PTPRD: variants seen among roughly 807,000 people sequenced by gnomAD.
PTPRD encodes the protein receptor-type tyrosine-protein phosphatase delta.
In PTPRD, 34 loss-of-function variants were observed where a neutral mutation model predicts 214.5. The observed-to-expected ratio is 0.16, with a 90% confidence interval of 0.12 to 0.21. The LOEUF is 0.21. Among genes scored for constraint, PTPRD ranks in the 10% least tolerant of loss-of-function variants. The pLI, the probability that PTPRD is intolerant of heterozygous loss-of-function variation, is 1.00. For synonymous variants in PTPRD, 1,128 were observed against 845.7 expected (o/e 1.33, Z -5.79); for missense variants, 2,545 against 2,398.7 (o/e 1.06, Z -1.27).
intron 10 of PTPRD, among the ~76,000 whole-genome samples, chr9:9,072,124 C>T (rs936906500): frequency 6.6e-6 from 1 of 151,962 alleles, no homozygotes; most frequent in African/African-American, 2.4e-5. Context: ...CATAGTGTTA[C>T]CAAACTTTAA....
At chr9:9,246,640 T>C (rs1460176779) in intron 9 of PTPRD, among the ~76,000 whole-genome samples, 1 of 152,028 alleles carries the variant, frequency 6.6e-6, no homozygotes, top group Non-Finnish European at 1.5e-5. Context: ...TCTTATTAAG[T>C]ATGTAACTGC....
At chr9:10,081,638 A>C (rs74729642) in intron 3 of PTPRD, among the ~76,000 whole-genome samples, 1 of 152,192 alleles carries the variant, frequency 6.6e-6, no homozygotes, top group African/African-American at 2.4e-5. Context: ...ATAAGAAAGA[A>C]ATTTCTGTTG....
At chr9:9,702,716 G>A (rs2097528088) in intron 7 of PTPRD, among the ~76,000 whole-genome samples, 1 of 152,154 alleles carries the variant, frequency 6.6e-6, no homozygotes, top group Non-Finnish European at 1.5e-5. Flanking sequence ...AGAAATGGTA[G>A]TAACTAATTA....
intron 8 of PTPRD, chr9:9,442,434 C>G (rs2088435661): frequency 6.6e-6 from 1 of 152,188 alleles, no homozygotes; most frequent in Non-Finnish European, 1.5e-5. Flanking sequence ...GTCTGGGCCT[C>G]TGAGATATTC....
chr9:10,010,993 T>C (rs537876765), intron 4 of PTPRD, among the ~76,000 whole-genome samples: 6 of 152,004 alleles, frequency 3.9e-5, no homozygotes, highest in African/African-American at 7.2e-5. Context: ...GTATTTCATC[T>C]GGTTAGGACA....
At chr9:10,391,053 T>C (rs2098052099) in intron 2 of PTPRD, among the ~76,000 whole-genome samples, 1 of 151,828 alleles carries the variant, frequency 6.6e-6, no homozygotes, top group Non-Finnish European at 1.5e-5. Flanking sequence ...ACTAAGAGGC[T>C]GTTAGAAAGA....
chr9:9,261,039 G>A (rs1342996101), intron 9 of PTPRD, among the ~76,000 whole-genome samples: 1 of 151,804 alleles, frequency 6.6e-6, no homozygotes, highest in African/African-American at 2.4e-5. Flanking sequence ...AAAAGCAAGA[G>A]AGTTGATTAA....
intron 4 of PTPRD, among the ~76,000 whole-genome samples, chr9:9,951,931 G>T (rs2093489392): frequency 6.6e-6 from 1 of 152,158 alleles, no homozygotes; most frequent in South Asian, 2.1e-4. Context: ...TGAGTACTTG[G>T]GTAAGAACAC....
intron 22 of PTPRD, among the ~76,000 whole-genome samples, chr9:8,505,958 C>T (rs1171671242): frequency 1.3e-5 from 2 of 152,130 alleles, no homozygotes; most frequent in African/African-American, 4.8e-5. Flanking sequence ...TCAAGTTGTA[C>T]CATGAAAACT....
intron 11 of PTPRD, among the ~76,000 whole-genome samples, chr9:8,778,218 G>C (rs892108707): frequency 6.6e-6 from 1 of 152,192 alleles, no homozygotes; most frequent in African/African-American, 2.4e-5. Context: ...AATTTAAACT[G>C]ATTGGCAAAT....
At chr9:9,708,126 A>T (rs543368568) in intron 7 of PTPRD, among the ~76,000 whole-genome samples, 20 of 152,236 alleles carry the variant, frequency 1.3e-4, no homozygotes, top group African/African-American at 4.6e-4. Context: ...ACGTTGATTT[A>T]GTTCTATAGT....
intron 35 of PTPRD, among the ~76,000 whole-genome samples, chr9:8,433,114 A>T (rs894829287): frequency 1.3e-5 from 2 of 152,230 alleles, no homozygotes; most frequent in Admixed American, 6.5e-5. Context: ...ATGACATTTC[A>T]GTCCACAACA....
Position 9,261,870 on chromosome 9 carries a change from A to T in PTPRD, c.-202-78507T>A, listed in dbSNP as rs2099980281. The stretch of plus-strand genomic sequence containing the variant: ...GAAAGAATAAACTTTGTAAAAAGGT[A>T]AATATCACCACTTATTTAATTATCA... On this transcript the variant is annotated intron_variant, in intron 9 of 45. Transcript: ENST00000381196. Among the ~76,000 whole-genome samples the T allele has an allele frequency of 5.3e-5, 8 of 151,792 alleles. No individual in the cohort carries two copies. The South Asian group carries it at 1.7e-3, about 31-fold the overall frequency.
chr9:8,332,379 G>C (rs1018006646), intron 43 of PTPRD, among the ~76,000 whole-genome samples: 1 of 152,238 alleles, frequency 6.6e-6, no homozygotes, highest in African/African-American at 2.4e-5. Context: ...AGGGGACATA[G>C]CATGAACCAT....
intron 34 of PTPRD, among the ~76,000 whole-genome samples, chr9:8,445,577 G>A (rs2095692563): frequency 6.6e-6 from 1 of 152,040 alleles, no homozygotes; most frequent in African/African-American, 2.4e-5. Flanking sequence ...CTTACCATGT[G>A]AACACATCAC....
At chr9:9,269,276 C>T (rs542050419) in intron 9 of PTPRD, among the ~76,000 whole-genome samples, 2 of 151,362 alleles carry the variant, frequency 1.3e-5, no homozygotes, top group African/African-American at 4.8e-5. Flanking sequence ...CATCAATCAT[C>T]GGAAACACGC....
chr9:8,390,480 C>A (rs57109451), intron 36 of PTPRD, among the ~76,000 whole-genome samples: 3,922 of 152,214 alleles, frequency 0.026, 161 homozygotes, highest in African/African-American at 0.089. Flanking sequence ...CCTGAGACAT[C>A]AGAACTCCCT....
intron 11 of PTPRD, among the ~76,000 whole-genome samples, chr9:8,771,738 T>A (rs144424805): frequency 4.6e-5 from 7 of 152,066 alleles, no homozygotes; most frequent in African/African-American, 1.7e-4. Context: ...CATGCACGTA[T>A]ACATATGTTC....
At chr9:9,757,823 T>G (rs1411074025) in intron 6 of PTPRD, among the ~76,000 whole-genome samples, 2 of 152,124 alleles carry the variant, frequency 1.3e-5, no homozygotes, top group Non-Finnish European at 2.9e-5. Context: ...ACCATCTTAC[T>G]CATCATAACT....
Sources: gnomAD v4.1 joint callset for allele counts (sites outside exome capture counted in the v4.1 genomes callset) on GRCh38, gnomAD v4.1.1 for gene constraint, MANE v1.5 for transcripts, NCBI Gene and HGNC (gene_info 2026-07-23, HGNC 2026-07-21) for gene names.